SCAF8: variants seen among roughly 807,000 people sequenced by gnomAD.
The protein encoded by SCAF8 is SR-related CTD associated factor 8, also known as SR-related and CTD-associated factor 8.
A neutral mutation model predicts 140.5 loss-of-function variants in SCAF8; 23 were observed. The observed-to-expected ratio is 0.16, with a 90% confidence interval of 0.12 to 0.23. SCAF8 has a LOEUF of 0.23. Among genes scored for constraint, SCAF8 ranks in the 10% least tolerant of loss-of-function variants. The probability of loss-of-function intolerance (pLI) is 1.00; values close to 1 mark genes in which losing one functional copy is unlikely to be tolerated. For missense variants in SCAF8, 1,397 were observed against 1,555.7 expected (o/e 0.90, Z 1.72); for synonymous variants, 575 against 528.9 (o/e 1.09, Z -1.20).
At chr6:154,816,826 C>T (rs1403088143) in intron 13 of SCAF8, among the ~76,000 whole-genome samples, 5 of 152,182 alleles carry the variant, frequency 3.3e-5, no homozygotes, top group African/African-American at 9.7e-5. Context: ...TTGCATCTTA[C>T]TTTTGACTGT....
chr6:154,787,722 G>T, intron 3 of SCAF8, 139 bp from the exon 4 acceptor site: 1 of 634,100 alleles, frequency 1.6e-6, no homozygotes. Context: ...TGATGATATT[G>T]GAGTAGTCAA....
chr6:154,767,825 C>T (rs1459458142), intron 1 of SCAF8, among the ~76,000 whole-genome samples: 1 of 152,188 alleles, frequency 6.6e-6, no homozygotes, highest in Non-Finnish European at 1.5e-5. Context: ...AGGCATGAGC[C>T]ACCATGCCTG....
At chr6:154,784,130 T>G (rs1433530077) in intron 3 of SCAF8, among the ~76,000 whole-genome samples, 28 of 63,660 alleles carry the variant, frequency 4.4e-4, no homozygotes, top group African/African-American at 2.8e-3. Flanking sequence ...GATATATATA[T>G]ATATATATAT....
intron 4 of SCAF8, among the ~76,000 whole-genome samples, chr6:154,789,686 C>T (rs907921725): frequency 3.0e-4 from 45 of 152,034 alleles, no homozygotes; most frequent in African/African-American, 8.7e-4. Flanking sequence ...GCTGGGACTA[C>T]AGGCTTATGC....
chr6:154,743,451 A>C (rs889912682), intron 1 of SCAF8, among the ~76,000 whole-genome samples: 46 of 152,338 alleles, frequency 3.0e-4, no homozygotes, highest in African/African-American at 9.1e-4. Flanking sequence ...GTGGAGACCA[A>C]ACCTTATGAA....
intron 1 of SCAF8, among the ~76,000 whole-genome samples, chr6:154,772,848 C>A (rs185056335): frequency 6.6e-6 from 1 of 152,146 alleles, no homozygotes; most frequent in Admixed American, 6.5e-5. Flanking sequence ...CAACCTCCAC[C>A]TCTTGGGTTC....
chr6:154,756,506 T>A (rs1322286438), intron 1 of SCAF8, among the ~76,000 whole-genome samples: 1 of 152,240 alleles, frequency 6.6e-6, no homozygotes, highest in Non-Finnish European at 1.5e-5. Flanking sequence ...AATGTTGGCT[T>A]GGCCTGTTTA....
Position 154,733,626 on chromosome 6 carries a change from T to G in SCAF8, c.-275T>G. ...AGAGAAGGCGCCGCGGCCCAGCCCC[T>G]CCCCCGCCCGCCGCCGACCCGCCCC... On this transcript the variant is annotated 5_prime_UTR_variant, in exon 1 of 20. Transcript: ENST00000367178. 2 of 1,207,474 alleles carry G rather than the reference T, an allele frequency of 1.7e-6. No individual in the cohort carries two copies. The highest frequency in any genetic ancestry group is 2.1e-6 in the Non-Finnish European group (2 of 963,196). The allele number at this position is 1,207,474 out of a possible 1,614,324, so 74.8% of individuals were successfully genotyped here.
intron 13 of SCAF8, among the ~76,000 whole-genome samples, chr6:154,816,018 C>G (rs550980527): frequency 6.6e-6 from 1 of 152,224 alleles, no homozygotes; most frequent in South Asian, 2.1e-4. Context: ...TAGTGGAATT[C>G]TAACAAAATG....
chr6:154,762,946 G>A (rs1776449031), intron 1 of SCAF8, among the ~76,000 whole-genome samples: 1 of 152,158 alleles, frequency 6.6e-6, no homozygotes, highest in South Asian at 2.1e-4. Context: ...AGCAGGTGAT[G>A]CACTAGTTCA....
intron 15 of SCAF8, 149 bp downstream of exon 15, chr6:154,820,482 T>A: frequency 1.7e-6 from 1 of 603,728 alleles, no homozygotes; most frequent in African/African-American, 1.9e-5. Context: ...CTAGTGTACA[T>A]GCTTAATGGG....
intron 7 of SCAF8, among the ~76,000 whole-genome samples, 167 bp from the exon 8 acceptor site, chr6:154,803,377 A>G (rs1777824665): frequency 6.6e-6 from 1 of 152,208 alleles, no homozygotes; most frequent in Non-Finnish European, 1.5e-5. Context: ...GCTTTAAAGA[A>G]AAGATCTACT....
intron 1 of SCAF8, among the ~76,000 whole-genome samples, 171 bp downstream of exon 1, chr6:154,734,101 C>T (rs1316738406): frequency 2.0e-5 from 3 of 152,124 alleles, no homozygotes; most frequent in East Asian, 1.9e-4. Context: ...GCCCCTCCCC[C>T]GGGTCCGGGA....
chr6:154,736,456 G>C (rs1778423810), intron 1 of SCAF8, among the ~76,000 whole-genome samples: 1 of 151,784 alleles, frequency 6.6e-6, no homozygotes, highest in Non-Finnish European at 1.5e-5. Flanking sequence ...ATTTTTAGTA[G>C]AGATGGGGTT....
intron 17 of SCAF8, chr6:154,825,144 TTTG>T (rs1778528508): frequency 6.6e-6 from 1 of 152,204 alleles, no homozygotes; most frequent in Non-Finnish European, 1.5e-5. Context: ...TTTGTAATAC[TTTG>T]TTTTGACCTA....
chr6:154,832,374 C>T lies in SCAF8; in HGVS notation c.2795C>T (p.Pro932Leu). Residue 932 changes from proline to leucine, a missense_variant, in exon 20 of 20, where the codon CCA becomes CTA. By Grantham distance (98) the Pro-to-Leu change is moderately conservative (BLOSUM62 -3). Coordinates refer to ENST00000367178, the MANE Select transcript of SCAF8 (RefSeq NM_014892.5). The part of the protein sequence containing the change: ...PMLDIRPGLI[P>L]QAPGPRFPLI... ...TTAGACATTCGTCCGGGACTAATAC[C>T]ACAGGCACCTGGGCCAAGATTCCCT... 1 of 1,614,030 alleles carries T rather than the reference C, an allele frequency of 6.2e-7. No individual in the cohort carries two copies. Among genetic ancestry groups the T allele is most frequent in the Non-Finnish European group, 8.5e-7 (1 of 1,179,992 alleles).
intron 3 of SCAF8, among the ~76,000 whole-genome samples, chr6:154,784,151 AT>A: frequency 1.0e-5 from 1 of 97,594 alleles, no homozygotes; most frequent in Admixed American, 9.9e-5. Context: ...ATATATATAT[AT>A]ATATATTTAT....
At chr6:154,808,905 T>TC in intron 11 of SCAF8, 107 bp downstream of exon 11, 1 of 736,322 alleles carries the variant, frequency 1.4e-6, no homozygotes. Context: ...ACATATTTTT[T>TC]CTCAGTCTCT....
At chr6:154,765,538 C>T (rs1776538846) in intron 1 of SCAF8, among the ~76,000 whole-genome samples, 1 of 152,116 alleles carries the variant, frequency 6.6e-6, no homozygotes, top group South Asian at 2.1e-4. Context: ...AAGTAGATGT[C>T]AGTAGACATT....
Sources: allele counts gnomAD v4.1 joint callset (sites outside exome capture counted in the v4.1 genomes callset), GRCh38; gene constraint gnomAD v4.1.1; transcripts MANE v1.5; gene names NCBI Gene and HGNC (gene_info 2026-07-23, HGNC 2026-07-21).